Variants in RABGAP1 observed in about 807,000 individuals in gnomAD.
The protein encoded by RABGAP1 is RAB GTPase activating protein 1.
A neutral mutation model predicts 137.6 loss-of-function variants in RABGAP1; 23 were observed. The ratio of observed to expected loss-of-function variants is 0.17; its 90% CI spans 0.12 to 0.24. The LOEUF is 0.24. Among genes scored for constraint, RABGAP1 ranks in the 10% least tolerant of loss-of-function variants. The pLI, the probability that RABGAP1 is intolerant of heterozygous loss-of-function variation, is 1.00. For synonymous variants in RABGAP1, 451 were observed against 450.7 expected, an observed-to-expected ratio of 1.00 and a Z score of -0.01; for missense variants, 906 against 1,275.8, an observed-to-expected ratio of 0.71 and a Z score of 4.42.
chr9:122,983,676 C>T (rs1836204267), intron 2 of RABGAP1, among the ~76,000 whole-genome samples: 1 of 152,104 alleles, frequency 6.6e-6, no homozygotes, highest in Non-Finnish European at 1.5e-5. Flanking sequence ...ATCAGGGCTC[C>T]CTCTTTTTTC....
chr9:122,970,715 C>T (rs1478256680), intron 2 of RABGAP1, among the ~76,000 whole-genome samples: 1 of 152,158 alleles, frequency 6.6e-6, no homozygotes, highest in Non-Finnish European at 1.5e-5. Flanking sequence ...CACTATTCCA[C>T]CCCAAAACTC....
chr9:123,100,898 G>A (rs1023559179), intron 24 of RABGAP1, among the ~76,000 whole-genome samples: 15 of 152,080 alleles, frequency 9.9e-5, no homozygotes, highest in Non-Finnish European at 1.6e-4. Context: ...AGTGTTTAAC[G>A]TCTAAAATTT....
At chr9:122,996,634 C>T in intron 8 of RABGAP1, 29 bp downstream of exon 8, 1 of 1,521,134 alleles carries the variant, frequency 6.6e-7, no homozygotes, top group South Asian at 1.2e-5. Flanking sequence ...TAGAAAGTTA[C>T]ATACTATTTC....
intron 6 of RABGAP1, among the ~76,000 whole-genome samples, chr9:122,994,658 C>T (rs1036422752): frequency 6.6e-6 from 1 of 152,082 alleles, no homozygotes; most frequent in East Asian, 1.9e-4. Context: ...TAGCCATTTA[C>T]GGTAGCTACT....
At chr9:123,064,261 G>A (rs1029651769) in intron 13 of RABGAP1, among the ~76,000 whole-genome samples, 1 of 152,124 alleles carries the variant, frequency 6.6e-6, no homozygotes, top group African/African-American at 2.4e-5. Context: ...GCCATTAACT[G>A]TTAAGACTAT....
At chr9:122,954,856 C>T (rs10985841) in intron 1 of RABGAP1, among the ~76,000 whole-genome samples, 7,158 of 152,226 alleles carry the variant, frequency 0.047, 238 homozygotes, top group Non-Finnish European at 0.066. Flanking sequence ...AACCACATTA[C>T]ATTGAACAAG....
the RABGAP1 span, among the ~76,000 whole-genome samples, chr9:122,934,223 G>A: frequency 9.2e-5 from 14 of 151,816 alleles, no homozygotes; most frequent in Non-Finnish European, 1.6e-4. Context: ...GACTACAGGT[G>A]CGTGCCACCA....
intron 10 of RABGAP1, 32 bp from the exon 11 acceptor site, chr9:123,010,322 T>C (rs1588264536): frequency 6.4e-7 from 1 of 1,550,406 alleles, no homozygotes; most frequent in Non-Finnish European, 8.8e-7. Flanking sequence ...AGAACTTTAC[T>C]GCTTAATAAA....
intron 21 of RABGAP1, among the ~76,000 whole-genome samples, chr9:123,091,986 G>T (rs2035045532): frequency 6.6e-6 from 1 of 152,096 alleles, no homozygotes; most frequent in Admixed American, 6.6e-5. Flanking sequence ...AGGGCCAGAG[G>T]TGTGTGCCTA....
intron 2 of RABGAP1, among the ~76,000 whole-genome samples, chr9:122,976,160 A>G (rs549614082): frequency 6.6e-6 from 1 of 152,246 alleles, no homozygotes; most frequent in East Asian, 1.9e-4. Flanking sequence ...GCAAACGTTT[A>G]TGTCATATGT....
At chr9:123,007,838 T>G (rs926900898) in intron 10 of RABGAP1, among the ~76,000 whole-genome samples, 9 of 149,800 alleles carry the variant, frequency 6.0e-5, no homozygotes, top group Admixed American at 1.3e-4. Flanking sequence ...TGACTGCTTT[T>G]AATTATTTTA....
At chr9:122,968,220 CT>C (rs1008036959) in intron 2 of RABGAP1, among the ~76,000 whole-genome samples, 1,767 of 122,870 alleles carry the variant, frequency 0.014, 16 homozygotes, top group African/African-American at 0.046. Context: ...TCAATTCTAC[CT>C]TTTTTTTTTT....
intron 4 of RABGAP1, among the ~76,000 whole-genome samples, chr9:122,988,328 G>A (rs747788090): frequency 5.9e-5 from 9 of 152,124 alleles, no homozygotes; most frequent in Non-Finnish European, 1.2e-4. Context: ...CCCACATAGT[G>A]TTGAAATTGC....
At chr9:122,964,830 G>GA (rs1466160101) in intron 2 of RABGAP1, among the ~76,000 whole-genome samples, 40 of 152,024 alleles carry the variant, frequency 2.6e-4, no homozygotes, top group African/African-American at 7.2e-4. Flanking sequence ...ATCTCTACAA[G>GA]AAAAAAATTT....
intron 11 of RABGAP1, among the ~76,000 whole-genome samples, chr9:123,010,960 C>T (rs1588266058): frequency 6.6e-6 from 1 of 151,086 alleles, no homozygotes; most frequent in East Asian, 1.9e-4. Flanking sequence ...TTATATATTA[C>T]TATGTTTTAC....
intron 11 of RABGAP1, among the ~76,000 whole-genome samples, chr9:123,014,431 C>T (rs2031061958): frequency 6.6e-6 from 1 of 151,990 alleles, no homozygotes. Flanking sequence ...GAGAAAAATA[C>T]CAATCATAAC....
Position 123,070,729 on chromosome 9 carries a change from G to A in RABGAP1, c.1983+305G>A, listed in dbSNP as rs1009458286. Reference sequence around the variant, plus strand: ...ACGTTTTATCTTCTCTAAAGTAGCCGCTGTCATTAATACTTGTTTTGAGAT... The same window carrying A: ...ACGTTTTATCTTCTCTAAAGTAGCCACTGTCATTAATACTTGTTTTGAGAT... On this transcript the variant is annotated intron_variant, in intron 15 of 25. Transcript: ENST00000373647. The surrounding 1 kb of genome is among the most constrained non-coding windows in gnomAD (Gnocchi z 4.4). Among the ~76,000 whole-genome samples the A allele has an allele frequency of 6.6e-6, 1 of 152,152 alleles. No individual in the cohort carries two copies. Among genetic ancestry groups the A allele is most frequent in the Non-Finnish European group, 1.5e-5 (1 of 68,028 alleles).
At chr9:122,959,655 A>G (rs990061011) in intron 2 of RABGAP1, among the ~76,000 whole-genome samples, 1 of 152,246 alleles carries the variant, frequency 6.6e-6, no homozygotes, top group Admixed American at 6.5e-5. Flanking sequence ...TCCTTACCCT[A>G]TCCCAGCTGA....
chr9:123,063,000 G>C (rs1300036234), intron 13 of RABGAP1: 1 of 152,062 alleles, frequency 6.6e-6, no homozygotes, highest in African/African-American at 2.4e-5. Context: ...ATGTTGCCAG[G>C]CTGGTCTCAA....
Sources: allele counts gnomAD v4.1 joint callset (sites outside exome capture counted in the v4.1 genomes callset), GRCh38; gene constraint gnomAD v4.1.1; non-coding constraint Gnocchi (gnomAD v3.1); transcripts MANE v1.5; gene names NCBI Gene and HGNC (gene_info 2026-07-23, HGNC 2026-07-21).